The following POLR1A variants were observed in gnomAD, a reference collection of about 807,000 sequenced individuals.
POLR1A encodes the protein DNA-directed RNA polymerase I subunit RPA1.
POLR1A carries 84 observed loss-of-function variants against 205.3 expected under a neutral mutation model. That is an observed-to-expected ratio of 0.41 (90% CI 0.34 to 0.49). The LOEUF (loss-of-function observed/expected upper bound fraction) is 0.49. POLR1A is among the 20% of genes least tolerant of loss of function. The pLI is 0.22. For missense variants in POLR1A, 1,645 were observed against 2,204.5 expected, an observed-to-expected ratio of 0.75 and a Z score of 5.08; for synonymous variants, 799 against 863.7, an observed-to-expected ratio of 0.93 and a Z score of 1.31.
At chr2:86,086,543 C>A (rs1351812580) in intron 6 of POLR1A, among the ~76,000 whole-genome samples, 1 of 152,212 alleles carries the variant, frequency 6.6e-6, no homozygotes, top group Non-Finnish European at 1.5e-5. Context: ...GGTCTGTGTC[C>A]TGGCATTGTG....
rs542604358 is a variant in POLR1A at position 86,076,620 on chromosome 2, A to T, written c.1380+1239T>A. Among the ~76,000 whole-genome samples the T allele has an allele frequency of 3.7e-4, 57 of 152,320 alleles. 1 individual carries two copies. The highest frequency in any genetic ancestry group is 1.3e-3 in the African/African-American group (55 of 41,558). On this transcript the variant is annotated intron_variant, in intron 11 of 33. Coordinates refer to ENST00000263857, the MANE Select transcript of POLR1A (RefSeq NM_015425.6). Reference sequence around the variant, plus strand: ...CGCCCCAGGCCACCATGGCCCTGAGACTTGCAGCAGTCTGCAGGTGGGCAG... The same window carrying T: ...CGCCCCAGGCCACCATGGCCCTGAGTCTTGCAGCAGTCTGCAGGTGGGCAG...
rs765510083 is a variant in POLR1A, at chr2:86,105,737, C to T, written c.40G>A (p.Gly14Ser). ...SKNMPWRRLQ[G>S]ISFGMYSAEE... is the part of the protein sequence containing the mutation. ...GCCGAATACATCCCGAAGGAAATGC[C>T]CTGCAGCCGCCGCCAGGGCATGTTC... Residue 14 changes from glycine (G) to serine (S), a missense_variant, in exon 1 of 34, where the codon GGC becomes AGC. Gly to Ser is a moderately conservative substitution (Grantham distance 56). Coordinates refer to ENST00000263857, the MANE Select transcript of POLR1A (RefSeq NM_015425.6). 1 of 1,614,182 alleles carries T rather than the reference C, an allele frequency of 6.2e-7. No individual in the cohort carries two copies. Among genetic ancestry groups the T allele is most frequent in the South Asian group, 1.1e-5 (1 of 91,088 alleles).
chr2:86,081,737 C>T, intron 7 of POLR1A, 31 bp from the exon 8 acceptor site: 1 of 1,351,334 alleles, frequency 7.4e-7, no homozygotes, highest in Non-Finnish European at 1.1e-6. Context: ...CCAAGAAGAC[C>T]ATTTAAATCT....
In POLR1A at chr2:86,027,503, A is replaced by T; in HGVS notation, c.5083T>A (p.Ser1695Thr). Residue 1695 changes from serine (S) to threonine (T), a missense_variant, in exon 34 of 34, where the codon TCT (serine) becomes ACT (threonine). Physicochemically the swap from Ser to Thr is moderately conservative, Grantham distance 58. Transcript: ENST00000263857. ...TMLGSHDELRSPSACLVVGKV... is the reference protein window; with the variant it reads ...TMLGSHDELRTPSACLVVGKV... The stretch of plus-strand genomic sequence containing the variant: ...CCGACCACAAGGCAGGCAGAAGGAG[A>T]CCTCAGCTCATCGTGGGATCCTGAC... 6.2e-7 allele frequency: 1 copy of T among 1,614,032 alleles called. No homozygotes were observed. The highest frequency in any genetic ancestry group is 8.5e-7 in the Non-Finnish European group (1 of 1,179,952).
At chr2:86,058,731 A>T (rs1223391946) in intron 14 of POLR1A, among the ~76,000 whole-genome samples, 1 of 151,988 alleles carries the variant, frequency 6.6e-6, no homozygotes, top group Non-Finnish European at 1.5e-5. Context: ...TATTAACCTT[A>T]AAAAAAGTCT....
rs1672396544 is a variant in POLR1A at position 86,031,624 on chromosome 2, C to T, written c.4284G>A (p.Glu1428=). The T allele has an allele frequency of 1.2e-6, 2 of 1,610,438 alleles. No homozygotes were observed. Among genetic ancestry groups the T allele is most frequent in the Non-Finnish European group, 8.5e-7 (1 of 1,177,658 alleles). ...CCTCCCTCTCCTCCTCTTCCTCACT[C>T]TCATAATCAACCTGGCAGAAAAGGG... ...KEKQEEEVDY[E]SEEEEEREGE... is the part of the protein sequence containing the mutation. The change falls in exon 30 of 34, where the codon GAG becomes GAA. Residue 1428 remains glutamate, a synonymous_variant. Transcript: ENST00000263857.
rs1673063970 is a variant in POLR1A, at chr2:86,065,141, G to A, written c.2058+133C>T. 11 of 839,330 alleles carry A rather than the reference G, an allele frequency of 1.3e-5. No homozygotes were observed. The South Asian group carries it at 1.8e-4, about 13-fold the overall frequency. The allele number at this position is 839,330 out of a possible 1,614,324, so 52.0% of individuals were successfully genotyped here. A position where few individuals can be genotyped will look rare whatever the true frequency, so the allele number is the denominator to read the frequency against. ...CCAGACTCAGGAACCCCAAACAAAG[G>A]GGAAAGAAAGTCAGACTATTGCTGG... On this transcript the variant is annotated intron_variant, in intron 14 of 33. Transcript: ENST00000263857.
Position 86,052,977 on chromosome 2 carries a change from C to A in POLR1A, c.2232G>T (p.Leu744=). ...ESQVIIREGE[L]LCGVLDKAHY... The stretch of plus-strand genomic sequence containing the variant: ...GCGCCTTGTCCAGCACTCCGCAGAG[C>A]AGCTCCCCTTCCCTGATGATCACCT... Residue 744 remains leucine, a synonymous_variant, in exon 16 of 34, where the codon CTG becomes CTT. Transcript: ENST00000263857. The A allele has an allele frequency of 6.3e-7, 1 of 1,592,558 alleles. No individual in the cohort carries two copies. Among genetic ancestry groups the A allele is most frequent in the South Asian group, 1.1e-5 (1 of 88,394 alleles).
chr2:86,080,562 CT>C, intron 9 of POLR1A, among the ~76,000 whole-genome samples: 1 of 152,288 alleles, frequency 6.6e-6, no homozygotes, highest in East Asian at 1.9e-4. Flanking sequence ...AAGGAAGTGA[CT>C]CAACTAGGGT....
chr2:86,035,887 G>A (rs1436938658), intron 27 of POLR1A, among the ~76,000 whole-genome samples: 1 of 152,244 alleles, frequency 6.6e-6, no homozygotes, highest in Non-Finnish European at 1.5e-5. Context: ...AGGGAAGGAG[G>A]TGAGAAGGCA....
At chr2:86,073,469 C>T (rs903422933) in intron 12 of POLR1A, among the ~76,000 whole-genome samples, 4 of 152,140 alleles carry the variant, frequency 2.6e-5, no homozygotes, top group Non-Finnish European at 4.4e-5. Flanking sequence ...AGCAAGAATT[C>T]GCTGCCTTCA....
At chr2:86,041,596 C>T (rs979958287) in intron 24 of POLR1A, among the ~76,000 whole-genome samples, 1 of 152,154 alleles carries the variant, frequency 6.6e-6, no homozygotes, top group African/African-American at 2.4e-5. Flanking sequence ...CTCAGTCAGC[C>T]CCACCCACCA....
At chr2:86,068,386 C>CGGGGGGGGGGGGGGGG (rs543719645) in intron 13 of POLR1A, among the ~76,000 whole-genome samples, 1 of 12,238 alleles carries the variant, frequency 8.2e-5, no homozygotes, top group Non-Finnish European at 1.3e-4. Context: ...AGCACATGGG[C>CGGGGGGGGGGGGGGGG]GGGGGGGGGG....
Position 86,052,973 on chromosome 2 carries a change from A to G in POLR1A, c.2236T>C (p.Cys746Arg), listed in dbSNP as rs773591184. 3.8e-6 allele frequency: 6 copies of G among 1,594,374 alleles called. No individual in the cohort carries two copies. The highest frequency in any genetic ancestry group is 1.7e-5 in the Admixed American group (1 of 57,234). ...TAGTGCGCCTTGTCCAGCACTCCGC[A>G]GAGCAGCTCCCCTTCCCTGATGATC... ...QVIIREGELL[C>R]GVLDKAHYGS... Residue 746 changes from cysteine to arginine, a missense_variant, in exon 16 of 34, where the codon TGC becomes CGC. By Grantham distance (180) the Cys-to-Arg change is radical. This residue lies in a region of POLR1A where 339 missense variants were observed against 415.1 expected (regional missense o/e 0.82). Coordinates refer to ENST00000263857, the MANE Select transcript of POLR1A (RefSeq NM_015425.6).
At chr2:86,088,755 C>T in intron 5 of POLR1A, 30 bp downstream of exon 5, 1 of 1,605,162 alleles carries the variant, frequency 6.2e-7, no homozygotes, top group South Asian at 1.1e-5. Context: ...CCAGAGACGT[C>T]TCACCTGGCG....
chr2:86,093,658 T>C (rs1044001123), intron 3 of POLR1A, among the ~76,000 whole-genome samples: 4 of 152,042 alleles, frequency 2.6e-5, no homozygotes, highest in African/African-American at 4.8e-5. Flanking sequence ...CAAAACCCCA[T>C]CTTGACTAAA....
chr2:86,048,975 T>A lies in POLR1A; in HGVS notation c.2543A>T (p.Asp848Val), dbSNP rs752745667. The change falls in exon 18 of 34, where the codon GAT becomes GTT. Residue 848 changes from aspartate (D) to valine (V), a missense_variant. By Grantham distance (152) the Asp-to-Val change is radical (BLOSUM62 -3). Coordinates refer to ENST00000263857, the MANE Select transcript of POLR1A (RefSeq NM_015425.6). The stretch of plus-strand genomic sequence containing the variant: ...CCTCTGGTCCTTGCCCAGATGGGCA[T>A]CCTGCCATTTTCCTCGGACCTCATC... ...SYDEVRGKWQDAHLGKDQRDF... is the reference protein window; with the variant it reads ...SYDEVRGKWQVAHLGKDQRDF... 1 of 1,613,976 alleles carries A rather than the reference T, an allele frequency of 6.2e-7. No individual in the cohort carries two copies. Among genetic ancestry groups the A allele is most frequent in the Non-Finnish European group, 8.5e-7 (1 of 1,179,792 alleles).
At position 86,020,818 on chromosome 2, in the gene POLR1A, G is replaced by A. The variant is rs1010578118; in HGVS notation, c.*6605C>T. The A allele has an allele frequency of 6.6e-6, 1 of 152,254 alleles. No individual in the cohort carries two copies. The highest frequency in any genetic ancestry group is 6.5e-5 in the Admixed American group (1 of 15,280). 9.4% of individuals were successfully genotyped at this position (152,254 alleles called of 1,614,324 possible). ...CCAGTAGCAACAAAAAATGTCCGCA[G>A]ACACTGCTGAATGTCCCCTGGGGGG... is the stretch of plus-strand genomic sequence containing the variant. On this transcript the variant is annotated 3_prime_UTR_variant, in exon 34 of 34. Transcript: ENST00000263857.
intron 26 of POLR1A, 101 bp downstream of exon 26, chr2:86,039,226 G>A (rs1672554857): frequency 1.5e-6 from 2 of 1,297,028 alleles, no homozygotes; most frequent in Non-Finnish European, 2.2e-6. Context: ...GGGAATCTGA[G>A]CCTAGGGTCA....
Sources: allele counts gnomAD v4.1 joint callset (sites outside exome capture counted in the v4.1 genomes callset), GRCh38; gene constraint gnomAD v4.1.1; regional missense constraint gnomAD v4.1.1; transcripts MANE v1.5; gene names NCBI Gene and HGNC (gene_info 2026-07-23, HGNC 2026-07-21).